GNB5: variants seen among roughly 807,000 people sequenced by gnomAD.
The protein encoded by GNB5 is G protein subunit beta 5.
Under a neutral mutation model 55.3 loss-of-function variants are expected in GNB5, and 37 were observed. The observed-to-expected ratio is 0.67, with a 90% confidence interval of 0.51 to 0.88. GNB5 has a LOEUF of 0.88. Among genes scored for constraint, GNB5 ranks in the 40% least tolerant of loss-of-function variants. GNB5 has a pLI of 0.00. For missense variants in GNB5, 476 were observed against 515.3 expected (o/e 0.92, Z 0.74); for synonymous variants, 219 against 198.5 (o/e 1.10, Z -0.87).
intron 1 of GNB5, among the ~76,000 whole-genome samples, chr15:52,186,659 G>T (rs1455183793): frequency 6.6e-6 from 1 of 152,162 alleles, no homozygotes; most frequent in African/African-American, 2.4e-5. Context: ...AAGATTCAAA[G>T]AAATGAACCC....
rs147088509 is a variant in GNB5, at chr15:52,184,202, C to A, written c.126+349G>T. Among the ~76,000 whole-genome samples, 288 of 152,302 alleles carry A rather than the reference C, an allele frequency of 1.9e-3. 1 individual carries two copies. The highest frequency in any genetic ancestry group is 6.6e-3 in the African/African-American group (276 of 41,546). ...AAACATTCATTGAGTACTTTCCTTG[C>A]TGGGTACTATTTAAAATAAGTTATC... On this transcript the variant is annotated intron_variant, in intron 2 of 12. Transcript: ENST00000261837.
At chr15:52,156,777 T>C (rs1373411348) in intron 3 of GNB5, among the ~76,000 whole-genome samples, 1 of 152,182 alleles carries the variant, frequency 6.6e-6, no homozygotes, top group African/African-American at 2.4e-5. Flanking sequence ...AAAACCTTGC[T>C]AAACTCTAAA....
chr15:52,174,044 C>G (rs770891176), intron 3 of GNB5, among the ~76,000 whole-genome samples: 1 of 152,080 alleles, frequency 6.6e-6, no homozygotes, highest in Non-Finnish European at 1.5e-5. Flanking sequence ...CAGGTGGGCC[C>G]AACATAATCA....
chr15:52,127,687 G>A (rs1213750867), intron 10 of GNB5, among the ~76,000 whole-genome samples: 1 of 151,644 alleles, frequency 6.6e-6, no homozygotes, highest in Non-Finnish European at 1.5e-5. Context: ...TTTTTCTCTT[G>A]AAAATAATTT....
At chr15:52,170,397 A>G (rs1451386104) in intron 3 of GNB5, among the ~76,000 whole-genome samples, 1 of 152,228 alleles carries the variant, frequency 6.6e-6, no homozygotes, top group Non-Finnish European at 1.5e-5. Context: ...AAGGAATGAA[A>G]TAATGTCCTT....
chr15:52,190,651 G>A (rs1441800135), intron 1 of GNB5, among the ~76,000 whole-genome samples: 1 of 151,990 alleles, frequency 6.6e-6, no homozygotes, highest in African/African-American at 2.4e-5. Context: ...GCTAGTGGGA[G>A]TATAAGTCGG....
At chr15:52,154,102 C>A (rs2034158212) in intron 3 of GNB5, 26 bp from the exon 4 acceptor site, 1 of 1,608,372 alleles carries the variant, frequency 6.2e-7, no homozygotes, top group South Asian at 1.1e-5. Flanking sequence ...CATAGTCAGT[C>A]CCCTTGCTAA....
At chr15:52,158,825 G>A (rs2034270467) in intron 3 of GNB5, among the ~76,000 whole-genome samples, 1 of 152,062 alleles carries the variant, frequency 6.6e-6, no homozygotes, top group Admixed American at 6.6e-5. Flanking sequence ...GACCATCCAG[G>A]TATATGAGAG....
At chr15:52,131,982 T>G (rs2033589937) in intron 9 of GNB5, among the ~76,000 whole-genome samples, 1 of 152,168 alleles carries the variant, frequency 6.6e-6, no homozygotes, top group Non-Finnish European at 1.5e-5. Flanking sequence ...CCTAAATCCA[T>G]GTGCAAAGCC....
In GNB5 at chr15:52,120,665, C is replaced by G. The variant is rs1006457932; in HGVS notation, c.*2092G>C. On this transcript the variant is annotated 3_prime_UTR_variant, in exon 13 of 13. Coordinates refer to ENST00000261837, the MANE Select transcript of GNB5 (RefSeq NM_016194.4). Reference sequence around the variant, plus strand: ...GTGGGAGAGAGGGTTGGGGATGCCACCACAAGGAGGCCAGCTGCACCAGGG... The same window carrying G: ...GTGGGAGAGAGGGTTGGGGATGCCAGCACAAGGAGGCCAGCTGCACCAGGG... The G allele has an allele frequency of 1.3e-5, 2 of 152,222 alleles. No homozygotes were observed. Among genetic ancestry groups the G allele is most frequent in the South Asian group, 2.1e-4 (1 of 4,818 alleles). The allele number at this position is 152,222 out of a possible 1,614,324, so 9.4% of individuals were successfully genotyped here.
chr15:52,139,991 T>C (rs994229430), intron 7 of GNB5: 1 of 1,252,232 alleles, frequency 8.0e-7, no homozygotes, highest in Non-Finnish European at 1.0e-6. Context: ...ACATCTCATT[T>C]TGGCCACTGC....
rs774774651 is a variant in GNB5 at position 52,185,752 on chromosome 15, TTTTATTATTATTA to T, written c.-18-1071_-18-1059del. Among the ~76,000 whole-genome samples the T allele has an allele frequency of 7.1e-3, 667 of 94,422 alleles. 6 individuals carry two copies. Among genetic ancestry groups the T allele is most frequent in the African/African-American group, 0.025 (610 of 24,212 alleles). The allele number at this position is 94,422 out of a possible 152,430, so 61.9% of individuals were successfully genotyped here. A position where few individuals can be genotyped will look rare whatever the true frequency, so the allele number is the denominator to read the frequency against. ...CCCACTTTGAGCTGTGTATTCATCT[TTTTATTATTATTA>T]TTATTATTATTATTATTATTATTAT... On this transcript the variant is annotated intron_variant, in intron 1 of 12. Transcript: ENST00000261837.
chr15:52,139,524 T>A (rs1422529338), intron 7 of GNB5: 2 of 186,522 alleles, frequency 1.1e-5, no homozygotes, highest in Non-Finnish European at 2.3e-5. Context: ...GGGACTACAC[T>A]ATGTACATGA....
intron 1 of GNB5, among the ~76,000 whole-genome samples, chr15:52,186,176 T>G (rs942999462): frequency 6.6e-6 from 1 of 152,202 alleles, no homozygotes; most frequent in Non-Finnish European, 1.5e-5. Context: ...AGTGTAACAA[T>G]GTATAACCAG....
chr15:52,127,584 A>G (rs986278859), intron 10 of GNB5, among the ~76,000 whole-genome samples: 1 of 152,126 alleles, frequency 6.6e-6, no homozygotes. Context: ...AAAACTCTCA[A>G]TCTATTCTTT....
chr15:52,169,099 G>T (rs1269531745), intron 3 of GNB5, among the ~76,000 whole-genome samples: 8 of 152,218 alleles, frequency 5.3e-5, no homozygotes, highest in Admixed American at 5.2e-4. Flanking sequence ...CAGTGTGGAC[G>T]AATCACTTGA....
chr15:52,174,612 T>C (rs2034615526), intron 3 of GNB5, among the ~76,000 whole-genome samples: 1 of 152,108 alleles, frequency 6.6e-6, no homozygotes, highest in Admixed American at 6.5e-5. Flanking sequence ...AAGAACTCAG[T>C]GTCTGAAGAG....
At chr15:52,169,538 C>CAAAAAAAAAAAAAA (rs60470864) in intron 3 of GNB5, among the ~76,000 whole-genome samples, 30 of 71,478 alleles carry the variant, frequency 4.2e-4, no homozygotes, top group East Asian at 5.9e-4. Context: ...GACTCTGTCT[C>CAAAAAAAAAAAAAA]AAAAAAAAAA....
chr15:52,189,433 A>G (rs999907915), intron 1 of GNB5, among the ~76,000 whole-genome samples: 3 of 152,022 alleles, frequency 2.0e-5, no homozygotes, highest in African/African-American at 7.2e-5. Context: ...TACAAAAATT[A>G]GCCAGGCGTG....
Sources: allele counts gnomAD v4.1 joint callset (sites outside exome capture counted in the v4.1 genomes callset), GRCh38; gene constraint gnomAD v4.1.1; transcripts MANE v1.5; gene names NCBI Gene and HGNC (gene_info 2026-07-23, HGNC 2026-07-21).